CSMD2: variants seen among roughly 807,000 people sequenced by gnomAD.
CSMD2 encodes the protein CUB and sushi domain-containing protein 2.
A neutral mutation model predicts 398.5 loss-of-function variants in CSMD2; 130 were observed. The observed-to-expected ratio is 0.33, with a 90% CI of 0.28 to 0.38. The LOEUF (loss-of-function observed/expected upper bound fraction) is 0.38. Among genes scored for constraint, CSMD2 ranks in the 10% least tolerant of loss-of-function variants. The pLI is 1.00. For synonymous variants in CSMD2, 1,828 were observed against 1,908.5 expected, an observed-to-expected ratio of 0.96 and a Z score of 1.10; for missense variants, 3,829 against 4,764.9, an observed-to-expected ratio of 0.80 and a Z score of 5.78.
chr1:33,679,225 TAG>T (rs1359098160), intron 25 of CSMD2, among the ~76,000 whole-genome samples: 2 of 130,754 alleles, frequency 1.5e-5, no homozygotes, highest in African/African-American at 2.8e-5. Context: ...TTTTTTGAGA[TAG>T]AGTCTTGCTC....
chr1:33,973,598 CT>C (rs1197128322), intron 3 of CSMD2, among the ~76,000 whole-genome samples: 1 of 152,168 alleles, frequency 6.6e-6, no homozygotes, highest in African/African-American at 2.4e-5. Context: ...TGAGATGATT[CT>C]TCTCTTCTCT....
intron 52 of CSMD2, among the ~76,000 whole-genome samples, chr1:33,568,156 G>C (rs12057412): frequency 2.1e-5 from 3 of 145,702 alleles, no homozygotes; most frequent in African/African-American, 2.5e-5. Context: ...AAACAAACAA[G>C]AAACGCCCCC....
chr1:33,714,835 G>A, intron 20 of CSMD2, 60 bp from the exon 21 acceptor site: 2 of 1,560,694 alleles, frequency 1.3e-6, no homozygotes, highest in Non-Finnish European at 1.8e-6. Flanking sequence ...AAAGCAAAAA[G>A]ATGGGAACGC....
chr1:33,870,523 C>G (rs1285846875), intron 5 of CSMD2: 1 of 152,186 alleles, frequency 6.6e-6, no homozygotes, highest in East Asian at 1.9e-4. Context: ...CTCTCCCTAC[C>G]CAGTGCTGCA....
intron 27 of CSMD2, among the ~76,000 whole-genome samples, chr1:33,656,575 CTGAG>C (rs1453902461): frequency 6.6e-6 from 1 of 152,210 alleles, no homozygotes; most frequent in African/African-American, 2.4e-5. Flanking sequence ...CCCATTAAGC[CTGAG>C]TGAGAGAGGT....
At chr1:33,527,940 CAAAAAAAA>C (rs61088318) in intron 64 of CSMD2, among the ~76,000 whole-genome samples, 1 of 108,566 alleles carries the variant, frequency 9.2e-6, no homozygotes. Flanking sequence ...GACTCTGTCT[CAAAAAAAA>C]AAAAAAAAAA....
intron 32 of CSMD2, among the ~76,000 whole-genome samples, chr1:33,630,106 C>G (rs138766249): frequency 2.1e-4 from 32 of 151,806 alleles, no homozygotes; most frequent in African/African-American, 7.5e-4. Flanking sequence ...TCCTTCCTTC[C>G]TTACTTCCTG....
intron 5 of CSMD2, among the ~76,000 whole-genome samples, chr1:33,906,911 G>A (rs1341042522): frequency 2.0e-5 from 3 of 152,022 alleles, no homozygotes; most frequent in Admixed American, 6.6e-5. Flanking sequence ...CGGAAGGAAT[G>A]GCCAGAGAGA....
At chr1:33,616,844 C>T (rs1570957155) in intron 39 of CSMD2, 62 bp downstream of exon 39, 1 of 1,310,668 alleles carries the variant, frequency 7.6e-7, no homozygotes, top group East Asian at 2.3e-5. Context: ...TGATACACTA[C>T]TGAGCTAAGA....
At chr1:34,027,840 C>CTGGGCAGACAGCCCTACA (rs6143184) in intron 3 of CSMD2, among the ~76,000 whole-genome samples, 13 of 151,520 alleles carry the variant, frequency 8.6e-5, no homozygotes, top group Admixed American at 3.3e-4. Context: ...GAGGCTAGAC[C>CTGGGCAGACAGCCCTACA]TGGGCAGACA....
At chr1:33,712,102 T>A (rs1646012080) in intron 21 of CSMD2, among the ~76,000 whole-genome samples, 1 of 152,210 alleles carries the variant, frequency 6.6e-6, no homozygotes, top group African/African-American at 2.4e-5. Flanking sequence ...CATCTGTGAC[T>A]TCTGTCGCCC....
intron 33 of CSMD2, among the ~76,000 whole-genome samples, chr1:33,626,162 C>T (rs1642115904): frequency 6.6e-6 from 1 of 152,208 alleles, no homozygotes; most frequent in Admixed American, 6.5e-5. Flanking sequence ...CCAGGGGAGT[C>T]CAGGTAAGAT....
rs144216710 is a variant in CSMD2 at position 34,136,780 on chromosome 1, T to C, written c.187+28131A>G. ...CAATCATCCTTCCATCTACCAACCA[T>C]GGGTCTTTCCTCTTGTACATTCATC... On this transcript the variant is annotated intron_variant, in intron 1 of 70. Coordinates refer to ENST00000373381, the MANE Select transcript of CSMD2 (RefSeq NM_001281956.2). Among the ~76,000 whole-genome samples, 84 of 152,332 alleles carry C rather than the reference T, an allele frequency of 5.5e-4. 1 individual carries two copies. In the East Asian group the frequency reaches 0.01, roughly 19 times the overall value.
At chr1:33,881,786 A>G (rs75848167) in intron 5 of CSMD2, among the ~76,000 whole-genome samples, 74 of 152,368 alleles carry the variant, frequency 4.9e-4, no homozygotes, top group Non-Finnish European at 8.2e-4. Flanking sequence ...CATAAATAAT[A>G]AAATGCATTA....
At chr1:33,872,452 T>G (rs972021863) in intron 5 of CSMD2, among the ~76,000 whole-genome samples, 7 of 152,122 alleles carry the variant, frequency 4.6e-5, no homozygotes, top group African/African-American at 7.2e-5. Context: ...CATGGTATTA[T>G]TCAGTCATAC....
chr1:34,035,673 GAA>G (rs201969213), intron 2 of CSMD2, among the ~76,000 whole-genome samples: 76 of 130,194 alleles, frequency 5.8e-4, no homozygotes, highest in Admixed American at 5.8e-3. Flanking sequence ...GTAGTTAAAC[GAA>G]AAAAAAAAAT....
At chr1:33,517,209 G>C (rs958522537) in intron 70 of CSMD2, among the ~76,000 whole-genome samples, 1 of 152,148 alleles carries the variant, frequency 6.6e-6, no homozygotes, top group Non-Finnish European at 1.5e-5. Flanking sequence ...GTTCAGGGTG[G>C]CTCTTGCTTT....
In CSMD2 at chr1:33,825,860, C is replaced by T. The variant is rs1048364123; in HGVS notation, c.1034-86G>A. 1.3e-5 allele frequency: 14 copies of T among 1,097,420 alleles called. No homozygotes were observed. The South Asian group carries it at 1.4e-4, about 11-fold the overall frequency. The allele number at this position is 1,097,420 out of a possible 1,614,324, so 68.0% of individuals were successfully genotyped here. A position where few individuals can be genotyped will look rare whatever the true frequency, so the allele number is the denominator to read the frequency against. On this transcript the variant is annotated intron_variant, in intron 6 of 70. Coordinates refer to ENST00000373381, the MANE Select transcript of CSMD2 (RefSeq NM_001281956.2). ...CCCTCTAGAAGGATTCCCCCTTGTGCCTTGGAACATTCCATGGTGGGTCAA... is the reference window on the plus strand; with the variant it reads ...CCCTCTAGAAGGATTCCCCCTTGTGTCTTGGAACATTCCATGGTGGGTCAA...
At chr1:33,768,536 A>ATATG (rs1491514786) in intron 13 of CSMD2, among the ~76,000 whole-genome samples, 3 of 142,158 alleles carry the variant, frequency 2.1e-5, no homozygotes, top group African/African-American at 8.1e-5. Context: ...GTGTGCGTGC[A>ATATG]TGTGTGTGTG....
Sources: allele counts gnomAD v4.1 joint callset (sites outside exome capture counted in the v4.1 genomes callset), GRCh38; gene constraint gnomAD v4.1.1; transcripts MANE v1.5; gene names NCBI Gene and HGNC (gene_info 2026-07-23, HGNC 2026-07-21).